PCDHGA8: variants seen among roughly 807,000 people sequenced by gnomAD.
The protein encoded by PCDHGA8 is protocadherin gamma subfamily A, 8, also known as protocadherin gamma-A8.
PCDHGA8 carries 45 observed loss-of-function variants against 59.2 expected under a neutral mutation model. The observed-to-expected ratio is 0.76, with a 90% CI of 0.60 to 0.98. The LOEUF (loss-of-function observed/expected upper bound fraction) is 0.98. PCDHGA8 is among the 50% of genes least tolerant of loss of function. PCDHGA8 has a pLI of 0.00. For missense variants in PCDHGA8, 1,257 were observed against 1,196.2 expected (o/e 1.05, Z -0.75); for synonymous variants, 531 against 519.0 (o/e 1.02, Z -0.32).
At chr5:141,421,854 C>T (rs1402137870) in intron 1 of PCDHGA8, 9 of 1,613,644 alleles carry the variant, frequency 5.6e-6, no homozygotes. Flanking sequence ...AGGCTGCTCA[C>T]CTGCTCCTCC....
chr5:141,490,344 AGTGGGGTTGTTTAAT>A lies in PCDHGA8; in HGVS notation c.2425-4459_2425-4445del. The A allele has an allele frequency of 6.2e-7, 1 of 1,614,178 alleles. No individual in the cohort carries two copies. The highest frequency in any genetic ancestry group is 8.5e-7 in the Non-Finnish European group (1 of 1,180,030). ...TAGAGAGCACACCAGTGGGCACAGT[AGTGGGGTTGTTTAAT>A]GTGCGAGACCGGGACTCAGGTAGAA... On this transcript the variant is annotated intron_variant, in intron 1 of 3. Coordinates refer to ENST00000398604, the MANE Select transcript of PCDHGA8 (RefSeq NM_032088.2). This position sits in a 1 kb window ranked among gnomAD's most constrained non-coding sequence, Gnocchi z 5.4.
chr5:141,466,486 T>C (rs1005010773), intron 1 of PCDHGA8, among the ~76,000 whole-genome samples: 1 of 152,240 alleles, frequency 6.6e-6, no homozygotes, highest in Non-Finnish European at 1.5e-5. Flanking sequence ...GTAGGTCTTC[T>C]TTAATTAGAG....
At position 141,486,994 on chromosome 5, in the gene PCDHGA8, C is replaced by G. The variant is rs779792543; in HGVS notation, c.2425-7813C>G. ...ATTCAGGTTACAATGCTTGGGTTTC[C>G]TATCAGCTCCTGGAGGCCCCAGATC... On this transcript the variant is annotated intron_variant, in intron 1 of 3. Coordinates refer to ENST00000398604, the MANE Select transcript of PCDHGA8 (RefSeq NM_032088.2). The surrounding 1 kb of genome is among the most constrained non-coding windows in gnomAD (Gnocchi z 5.0). 3 of 1,614,214 alleles carry G rather than the reference C, an allele frequency of 1.9e-6. No individual in the cohort carries two copies. Among genetic ancestry groups the G allele is most frequent in the Admixed American group, 1.7e-5 (1 of 60,030 alleles).
At chr5:141,406,044 G>A (rs1473314165) in intron 1 of PCDHGA8, among the ~76,000 whole-genome samples, 1 of 151,228 alleles carries the variant, frequency 6.6e-6, no homozygotes, top group Non-Finnish European at 1.5e-5. Flanking sequence ...ATTGGTTGCA[G>A]TGGACTCATA....
chr5:141,427,782 T>G, intron 1 of PCDHGA8: 1 of 1,459,986 alleles, frequency 6.8e-7, no homozygotes, highest in Middle Eastern at 1.7e-4. Context: ...GCGGGCACTG[T>G]CGTCCTACGT....
Position 141,477,653 on chromosome 5 carries a change from A to C in PCDHGA8, c.2425-17154A>C. ...GCTAGTGGGTCGCTATTTCACAATA[A>C]ATCGTGACAATGGCATAGTGTCATC... On this transcript the variant is annotated intron_variant, in intron 1 of 3. Transcript: ENST00000398604. The surrounding 1 kb of genome is among the most constrained non-coding windows in gnomAD (Gnocchi z 4.9). The C allele has an allele frequency of 1.2e-6, 2 of 1,614,204 alleles. No individual in the cohort carries two copies. Among genetic ancestry groups the C allele is most frequent in the Non-Finnish European group, 1.7e-6 (2 of 1,180,036 alleles).
At chr5:141,465,852 G>A (rs1250863307) in intron 1 of PCDHGA8, among the ~76,000 whole-genome samples, 1 of 151,996 alleles carries the variant, frequency 6.6e-6, no homozygotes, top group East Asian at 1.9e-4. Context: ...GCTGGGCCCA[G>A]TGGCTCATGC....
chr5:141,419,744 G>C (rs760207269), intron 1 of PCDHGA8: 1 of 1,613,896 alleles, frequency 6.2e-7, no homozygotes, highest in Non-Finnish European at 8.5e-7. Context: ...GGTGCGCATG[G>C]TGCGTGCTTT....
At chr5:141,459,236 G>A (rs1248794102) in intron 1 of PCDHGA8, among the ~76,000 whole-genome samples, 2 of 152,176 alleles carry the variant, frequency 1.3e-5, no homozygotes, top group African/African-American at 2.4e-5. Context: ...CAACTGGTCT[G>A]CTTCCTGTCA....
chr5:141,501,290 T>TACACAC lies in PCDHGA8; in HGVS notation c.2484-4064_2484-4059dup, dbSNP rs55762287. Among the ~76,000 whole-genome samples the TACACAC allele has an allele frequency of 5.7e-3, 774 of 136,224 alleles. 5 individuals are homozygous for TACACAC. The highest frequency in any genetic ancestry group is 9.9e-3 in the African/African-American group (361 of 36,504). The allele number at this position is 136,224 out of a possible 152,430, so 89.4% of individuals were successfully genotyped here. A position where few individuals can be genotyped will look rare whatever the true frequency, so the allele number is the denominator to read the frequency against. ...GTCCAGTCTATGGGATATTCCCTTA[T>TACACAC]ACACACACACACACACACACACACA... On this transcript the variant is annotated intron_variant, in intron 2 of 3. Transcript: ENST00000398604.
At chr5:141,503,004 C>T (rs114294610) in intron 2 of PCDHGA8, among the ~76,000 whole-genome samples, 5,013 of 145,894 alleles carry the variant, frequency 0.034, 127 homozygotes, top group South Asian at 0.076. Context: ...CCACCATGCC[C>T]GGTTAATTTT....
At position 141,489,302 on chromosome 5, in the gene PCDHGA8, T is replaced by C. The variant is rs1258736404; in HGVS notation, c.2425-5505T>C. 2 of 1,586,886 alleles carry C rather than the reference T, an allele frequency of 1.3e-6. No homozygotes were observed. The highest frequency in any genetic ancestry group is 2.3e-5 in the South Asian group (2 of 85,378). ...TGGCAAGTGCTGTGCATGTTGTCCT[T>C]GTGCTGCTGGGGCTGGGTGTCTGGG... On this transcript the variant is annotated intron_variant, in intron 1 of 3. Transcript: ENST00000398604. The surrounding 1 kb of genome is among the most constrained non-coding windows in gnomAD (Gnocchi z 4.5).
intron 1 of PCDHGA8, chr5:141,421,221 G>A (rs746753262): frequency 6.3e-7 from 1 of 1,576,508 alleles, no homozygotes; most frequent in Non-Finnish European, 8.6e-7. Context: ...TCGGCTTAGA[G>A]CCTGCCATGG....
rs753845173 is a variant in PCDHGA8, at chr5:141,490,873, C to T, written c.2425-3934C>T. On this transcript the variant is annotated intron_variant, in intron 1 of 3. Coordinates refer to ENST00000398604, the MANE Select transcript of PCDHGA8 (RefSeq NM_032088.2). The surrounding 1 kb of genome is among the most constrained non-coding windows in gnomAD (Gnocchi z 5.4). Reference sequence around the variant, plus strand: ...TCGAGACTCCGGCTCTCCCCCATTGCATGCCAACACATCTCTGCATGTGTT... The same window carrying T: ...TCGAGACTCCGGCTCTCCCCCATTGTATGCCAACACATCTCTGCATGTGTT... 5.6e-6 allele frequency: 9 copies of T among 1,613,884 alleles called. No homozygotes were observed. The highest frequency in any genetic ancestry group is 7.6e-6 in the Non-Finnish European group (9 of 1,179,908).
chr5:141,399,036 G>A, intron 1 of PCDHGA8: 1 of 1,613,800 alleles, frequency 6.2e-7, no homozygotes, highest in African/African-American at 1.3e-5. Context: ...AAAAGAAACT[G>A]GATTTTGAAG....
intron 1 of PCDHGA8, among the ~76,000 whole-genome samples, chr5:141,467,008 A>AT (rs1165146249): frequency 6.7e-6 from 1 of 150,270 alleles, no homozygotes; most frequent in Non-Finnish European, 1.5e-5. Context: ...TTGCAATGCA[A>AT]TTTTTTTCCC....
intron 1 of PCDHGA8, chr5:141,423,675 T>C: frequency 1.3e-6 from 2 of 1,540,488 alleles, no homozygotes; most frequent in Non-Finnish European, 1.7e-6. Flanking sequence ...GATTTATTTC[T>C]CTGCCTCCTA....
At position 141,432,627 on chromosome 5, in the gene PCDHGA8, C is replaced by A. The variant is rs886117102; in HGVS notation, c.2424+37390C>A. 1 of 1,613,652 alleles carries A rather than the reference C, an allele frequency of 6.2e-7. No homozygotes were observed. The highest frequency in any genetic ancestry group is 8.5e-7 in the Non-Finnish European group (1 of 1,179,952). On this transcript the variant is annotated intron_variant, in intron 1 of 3. Transcript: ENST00000398604. This position sits in a 1 kb window ranked among gnomAD's most constrained non-coding sequence, Gnocchi z 6.0. ...GGACTCTTCTCGGTGGGTCTGCACA[C>A]GGGCGAGGTGCGCACGGCGCGAGCC...
intron 1 of PCDHGA8, among the ~76,000 whole-genome samples, chr5:141,435,605 C>T (rs776926758): frequency 1.1e-4 from 17 of 152,134 alleles, no homozygotes; most frequent in Non-Finnish European, 1.9e-4. Flanking sequence ...CTGCTTTTTA[C>T]ATTAAATTCC....
Sources: gnomAD v4.1 joint callset for allele counts (sites outside exome capture counted in the v4.1 genomes callset) on GRCh38, gnomAD v4.1.1 for gene constraint, Gnocchi (gnomAD v3.1) non-coding constraint, MANE v1.5 for transcripts, NCBI Gene and HGNC (gene_info 2026-07-23, HGNC 2026-07-21) for gene names.